The following KIF26B variants were observed in gnomAD, a reference collection of about 807,000 sequenced individuals.
KIF26B encodes kinesin family member 26B.
In KIF26B, 63 loss-of-function variants were observed where a neutral mutation model predicts 151.2. That is an observed-to-expected ratio of 0.42 (90% CI 0.34 to 0.51). KIF26B has a LOEUF of 0.51. KIF26B is among the 20% of genes least tolerant of loss of function. KIF26B has a pLI of 0.07. For synonymous variants in KIF26B, 1,357 were observed against 1,262.1 expected (o/e 1.08, Z -1.59); for missense variants, 2,813 against 2,913.6 (o/e 0.97, Z 0.79).
At chr1:245,231,610 A>G (rs1669999610) in intron 2 of KIF26B, among the ~76,000 whole-genome samples, 1 of 152,238 alleles carries the variant, frequency 6.6e-6, no homozygotes, top group Non-Finnish European at 1.5e-5. Flanking sequence ...CATCTGGGAA[A>G]ATTGACCCAG....
chr1:245,664,225 G>A (rs1023236552), intron 10 of KIF26B, among the ~76,000 whole-genome samples: 2 of 151,928 alleles, frequency 1.3e-5, no homozygotes. Context: ...AACATTAGCC[G>A]GGCATGGTGG....
Position 245,667,920 on chromosome 1 carries a change from T to C in KIF26B, c.2259-16313T>C, listed in dbSNP as rs2044234486. On this transcript the variant is annotated intron_variant, in intron 10 of 14. Coordinates refer to ENST00000407071, the MANE Select transcript of KIF26B (RefSeq NM_018012.4). This position sits in a 1 kb window ranked among gnomAD's most constrained non-coding sequence, Gnocchi z 4.3. ...TGTTTTGTGTTTTTGAGATGGAGTCTCACTCTGTCACCCAGGCTGGAGTGC... is the reference window on the plus strand; with the variant it reads ...TGTTTTGTGTTTTTGAGATGGAGTCCCACTCTGTCACCCAGGCTGGAGTGC... 1.3e-5 allele frequency among the ~76,000 whole-genome samples: 2 copies of C among 152,204 alleles called. No homozygotes were observed. The highest frequency in any genetic ancestry group is 4.8e-5 in the African/African-American group (2 of 41,446).
At chr1:245,480,274 C>T (rs1014713015) in intron 4 of KIF26B, among the ~76,000 whole-genome samples, 4 of 148,386 alleles carry the variant, frequency 2.7e-5, no homozygotes, top group African/African-American at 9.9e-5. Flanking sequence ...GACCCTGTCT[C>T]GGGGGGGAGG....
chr1:245,616,072 C>A (rs2043587373), intron 9 of KIF26B, among the ~76,000 whole-genome samples: 1 of 152,192 alleles, frequency 6.6e-6, no homozygotes, highest in Admixed American at 6.5e-5. Flanking sequence ...TGCACACATG[C>A]ATTTTATACA....
intron 3 of KIF26B, among the ~76,000 whole-genome samples, chr1:245,403,801 G>A (rs775028077): frequency 3.9e-5 from 6 of 152,216 alleles, no homozygotes; most frequent in Non-Finnish European, 7.3e-5. Context: ...TACTCTAAGG[G>A]TACTATTTAG....
In KIF26B at chr1:245,268,470, AAATAATAATAATAATAATAAT is replaced by A. The variant is rs59590596; in HGVS notation, c.466-98337_466-98317del. On this transcript the variant is annotated intron_variant, in intron 2 of 14. Coordinates refer to ENST00000407071, the MANE Select transcript of KIF26B (RefSeq NM_018012.4). ...GGTGATGGAGCGAGACTCCATCTCC[AAATAATAATAATAATAATAAT>A]AATAATAATAATAATAATAATAATA... Among the ~76,000 whole-genome samples, 150 of 134,748 alleles carry A rather than the reference AAATAATAATAATAATAATAAT, an allele frequency of 1.1e-3. 1 individual carries two copies. The highest frequency in any genetic ancestry group is 1.2e-3 in the Non-Finnish European group (79 of 64,370). 88.4% of individuals were successfully genotyped at this position (134,748 alleles called of 152,430 possible).
intron 2 of KIF26B, among the ~76,000 whole-genome samples, chr1:245,235,572 G>A (rs1670090113): frequency 1.3e-5 from 2 of 151,988 alleles, no homozygotes; most frequent in Admixed American, 6.6e-5. Context: ...GAGCTTGGGT[G>A]ACAGAGACTC....
chr1:245,687,705 G>A lies in KIF26B; in HGVS notation c.4722G>A (p.Lys1574=), dbSNP rs373847087. The A allele has an allele frequency of 1.3e-6, 2 of 1,582,576 alleles. No individual in the cohort carries two copies. The highest frequency in any genetic ancestry group is 1.3e-5 in the African/African-American group (1 of 74,134). ...VGAASGTPPS[K]ATLEGKVASP... ...CAGCCTCGGGCACCCCGCCCTCCAA[G>A]GCTACCCTGGAGGGGAAGGTGGCTT... Residue 1574 remains lysine (K), a synonymous_variant, in exon 12 of 15, where the codon AAG becomes AAA. Transcript: ENST00000407071. This position sits in a 1 kb window ranked among gnomAD's most constrained non-coding sequence, Gnocchi z 4.9.
chr1:245,548,853 C>T (rs1253007669), intron 5 of KIF26B, among the ~76,000 whole-genome samples: 1 of 152,058 alleles, frequency 6.6e-6, no homozygotes, highest in East Asian at 1.9e-4. Context: ...AAGCAATTCT[C>T]CTGCCTCAGC....
intron 2 of KIF26B, among the ~76,000 whole-genome samples, chr1:245,269,763 C>T (rs562753695): frequency 1.3e-5 from 2 of 151,620 alleles, no homozygotes; most frequent in South Asian, 4.2e-4. Flanking sequence ...GCACCTGCCC[C>T]CACCCCCTGC....
intron 5 of KIF26B, among the ~76,000 whole-genome samples, chr1:245,559,328 G>A (rs1380692428): frequency 6.6e-6 from 1 of 152,198 alleles, no homozygotes; most frequent in Non-Finnish European, 1.5e-5. Flanking sequence ...CACAGAGTGA[G>A]ACCCTGTCTC....
At chr1:245,640,137 C>A (rs1156794710) in intron 9 of KIF26B, among the ~76,000 whole-genome samples, 19 of 31,286 alleles carry the variant, frequency 6.1e-4, no homozygotes, top group Non-Finnish European at 9.7e-4. Flanking sequence ...CTCTCTCTCT[C>A]TCTCTCTATA....
chr1:245,590,031 G>A (rs2043269417), intron 5 of KIF26B, among the ~76,000 whole-genome samples: 1 of 151,986 alleles, frequency 6.6e-6, no homozygotes, highest in African/African-American at 2.4e-5. Context: ...TTGACTGTTT[G>A]CTATTTAACG....
At chr1:245,622,895 C>G (rs927526124) in intron 9 of KIF26B, among the ~76,000 whole-genome samples, 1 of 151,938 alleles carries the variant, frequency 6.6e-6, no homozygotes, top group African/African-American at 2.4e-5. Flanking sequence ...GGGCCTGGGG[C>G]AAAAAGGCGG....
intron 3 of KIF26B, among the ~76,000 whole-genome samples, chr1:245,416,763 C>T (rs1379435078): frequency 6.6e-6 from 1 of 152,082 alleles, no homozygotes; most frequent in Non-Finnish European, 1.5e-5. Context: ...TTGCCCGAGG[C>T]TGGAGCCCTG....
At chr1:245,670,261 T>TGC (rs2044267685) in intron 10 of KIF26B, among the ~76,000 whole-genome samples, 2 of 133,630 alleles carry the variant, frequency 1.5e-5, no homozygotes, top group African/African-American at 6.9e-5. Context: ...TATATATATA[T>TGC]ATATATATAT....
rs1671258647 is a variant in KIF26B at position 245,291,880 on chromosome 1, A to G, written c.466-74954A>G. On this transcript the variant is annotated intron_variant, in intron 2 of 14. Coordinates refer to ENST00000407071, the MANE Select transcript of KIF26B (RefSeq NM_018012.4). ...GGAGTGTGCAGAAGGGCCCTGGTGC[A>G]GGAAACTGGGAGAGGACAGAATGGC... is the stretch of plus-strand genomic sequence containing the variant. Among the ~76,000 whole-genome samples the G allele has an allele frequency of 2.6e-5, 4 of 152,106 alleles. No homozygotes were observed. In the South Asian group the frequency reaches 8.3e-4, roughly 32 times the overall value.
intron 2 of KIF26B, among the ~76,000 whole-genome samples, chr1:245,306,257 T>C (rs563855468): frequency 1.3e-5 from 2 of 152,304 alleles, no homozygotes; most frequent in South Asian, 4.1e-4. Flanking sequence ...TGAAATATTA[T>C]GGTAAGTGAA....
Position 245,602,748 on chromosome 1 carries a change from G to A in KIF26B, c.1522G>A (p.Ala508Thr). Reference protein sequence around the residue: ...RGNQVPPKMFAFDAVFPQDAS... With the variant: ...RGNQVPPKMFTFDAVFPQDAS... ...CAACCAGGTTCCTCCAAAGATGTTT[G>A]CCTTCGATGCAGTTTTTCCACAAGA... Residue 508 changes from alanine to threonine, a missense_variant, in exon 6 of 15, where the codon GCC becomes ACC. Physicochemically the swap from Ala to Thr is moderately conservative, Grantham distance 58. Transcript: ENST00000407071. The surrounding 1 kb of genome is among the most constrained non-coding windows in gnomAD (Gnocchi z 4.5). 1 of 1,613,940 alleles carries A rather than the reference G, an allele frequency of 6.2e-7. No individual in the cohort carries two copies. The highest frequency in any genetic ancestry group is 8.5e-7 in the Non-Finnish European group (1 of 1,179,888).
Sources: allele counts gnomAD v4.1 joint callset (sites outside exome capture counted in the v4.1 genomes callset), GRCh38; gene constraint gnomAD v4.1.1; non-coding constraint Gnocchi (gnomAD v3.1); transcripts MANE v1.5; gene names NCBI Gene and HGNC (gene_info 2026-07-23, HGNC 2026-07-21).